PTPRR: variants seen among roughly 807,000 people sequenced by gnomAD.
PTPRR encodes protein tyrosine phosphatase receptor type R, also known as receptor-type tyrosine-protein phosphatase R.
A neutral mutation model predicts 77.2 loss-of-function variants in PTPRR; 38 were observed. The ratio of observed to expected loss-of-function variants is 0.49; its 90% CI spans 0.38 to 0.65. The LOEUF (loss-of-function observed/expected upper bound fraction) is 0.65, where lower values mean the gene tolerates loss of function less well. PTPRR is among the 30% of genes least tolerant of loss of function. The pLI, the probability that PTPRR is intolerant of heterozygous loss-of-function variation, is 0.00. For synonymous variants in PTPRR, 299 were observed against 283.1 expected, an observed-to-expected ratio of 1.06 and a Z score of -0.57; for missense variants, 744 against 799.2, an observed-to-expected ratio of 0.93 and a Z score of 0.83.
At chr12:70,789,992 C>T (rs1472267794) in intron 2 of PTPRR, among the ~76,000 whole-genome samples, 1 of 152,084 alleles carries the variant, frequency 6.6e-6, no homozygotes, top group African/African-American at 2.4e-5. Flanking sequence ...AAATGAACAT[C>T]AACAGTAAAA....
chr12:70,870,723 G>T lies in PTPRR; in HGVS notation c.357+21956C>A, dbSNP rs193231291. On this transcript the variant is annotated intron_variant, in intron 2 of 13. Coordinates refer to ENST00000283228, the MANE Select transcript of PTPRR (RefSeq NM_002849.4). ...CCAATATGTACACTGTGTTGCTGAT[G>T]CTTGTTAAAGAAGAGTTCAATTGTA... Among the ~76,000 whole-genome samples the T allele has an allele frequency of 2.9e-3, 444 of 152,334 alleles. 4 individuals are homozygous for T. Among genetic ancestry groups the T allele is most frequent in the Admixed American group, 8.1e-3 (124 of 15,308 alleles).
chr12:70,798,565 T>C (rs1184680774), intron 2 of PTPRR, among the ~76,000 whole-genome samples: 1 of 152,206 alleles, frequency 6.6e-6, no homozygotes, highest in Non-Finnish European at 1.5e-5. Flanking sequence ...TTGTCTTTCT[T>C]TCCAGTGCTC....
chr12:70,866,399 A>G (rs1205593127), intron 2 of PTPRR, among the ~76,000 whole-genome samples: 1 of 151,594 alleles, frequency 6.6e-6, no homozygotes, highest in Non-Finnish European at 1.5e-5. Flanking sequence ...GAATACTACA[A>G]ACACCTCTAT....
At chr12:70,785,138 A>T (rs1891295535) in intron 2 of PTPRR, among the ~76,000 whole-genome samples, 1 of 152,194 alleles carries the variant, frequency 6.6e-6, no homozygotes, top group African/African-American at 2.4e-5. Flanking sequence ...TTCTGTGAAC[A>T]TGCAACTCAA....
intron 2 of PTPRR, among the ~76,000 whole-genome samples, chr12:70,884,767 G>C (rs1893208638): frequency 6.6e-6 from 1 of 150,768 alleles, no homozygotes; most frequent in African/African-American, 2.4e-5. Flanking sequence ...AGCTACTCCG[G>C]AGGCTGAGGC....
intron 10 of PTPRR, chr12:70,672,987 G>A: frequency 7.2e-7 from 1 of 1,380,976 alleles, no homozygotes; most frequent in Non-Finnish European, 9.5e-7. Context: ...CTAGGTAGAA[G>A]GGAGAAGGAT....
chr12:70,850,850 C>T (rs990601449), intron 2 of PTPRR, among the ~76,000 whole-genome samples: 2 of 152,170 alleles, frequency 1.3e-5, no homozygotes, highest in Non-Finnish European at 2.9e-5. Flanking sequence ...CCCTACATTG[C>T]TTTGCACACA....
chr12:70,785,938 T>C (rs933711570), intron 2 of PTPRR, among the ~76,000 whole-genome samples: 7 of 152,206 alleles, frequency 4.6e-5, no homozygotes, highest in African/African-American at 1.7e-4. Context: ...TATCTTTTAT[T>C]GGGATGTTAT....
At chr12:70,650,368 A>T (rs1886349990) in intron 13 of PTPRR, among the ~76,000 whole-genome samples, 1 of 152,090 alleles carries the variant, frequency 6.6e-6, no homozygotes, top group Non-Finnish European at 1.5e-5. Flanking sequence ...TGGAGGTTGC[A>T]GTGGGCCCAG....
Position 70,674,444 on chromosome 12 carries a change from C to T in PTPRR, c.1497+9683G>A, listed in dbSNP as rs144312075. Among the ~76,000 whole-genome samples the T allele has an allele frequency of 6.3e-4, 96 of 152,284 alleles. No homozygotes were observed. In the East Asian group the frequency reaches 0.016, roughly 25 times the overall value. On this transcript the variant is annotated intron_variant, in intron 10 of 13. Transcript: ENST00000283228. ...CACAAGATTTGATGTGTAGTATTTG[C>T]ATCATCCCTGAATTGCAGGTAATTT...
chr12:70,662,232 A>C (rs772880511), intron 11 of PTPRR, among the ~76,000 whole-genome samples: 1 of 152,244 alleles, frequency 6.6e-6, no homozygotes. Flanking sequence ...TAAATCAGAG[A>C]TATTTTATTA....
intron 2 of PTPRR, among the ~76,000 whole-genome samples, chr12:70,831,057 G>T (rs1359747049): frequency 5.3e-5 from 8 of 152,162 alleles, no homozygotes; most frequent in Non-Finnish European, 1.5e-5. Context: ...AGAAGGAGCT[G>T]TTATTATTCC....
chr12:70,784,237 T>C (rs1891272339), intron 2 of PTPRR, among the ~76,000 whole-genome samples: 1 of 152,164 alleles, frequency 6.6e-6, no homozygotes, highest in Middle Eastern at 3.2e-3. Flanking sequence ...GTTGCAGTGG[T>C]GGCCTGGACA....
chr12:70,701,073 A>T, intron 7 of PTPRR, 64 bp downstream of exon 7: 1 of 1,544,606 alleles, frequency 6.5e-7, no homozygotes, highest in East Asian at 2.2e-5. Flanking sequence ...TCATTTCCAT[A>T]CGTCTCTAGT....
At chr12:70,879,449 C>T (rs754525055) in intron 2 of PTPRR, among the ~76,000 whole-genome samples, 6 of 151,434 alleles carry the variant, frequency 4.0e-5, no homozygotes, top group African/African-American at 9.7e-5. Flanking sequence ...ATTTTTCCCA[C>T]GATCTCAAAG....
At chr12:70,763,760 G>A (rs1297949086) in intron 3 of PTPRR, among the ~76,000 whole-genome samples, 1 of 152,120 alleles carries the variant, frequency 6.6e-6, no homozygotes, top group Non-Finnish European at 1.5e-5. Context: ...TTTAAAACCT[G>A]TACAGTGATC....
intron 3 of PTPRR, 127 bp from the exon 4 acceptor site, chr12:70,761,753 T>A: frequency 1.5e-6 from 1 of 662,288 alleles, no homozygotes; most frequent in Non-Finnish European, 2.3e-6. Flanking sequence ...TTTGTGGAGA[T>A]TATATTTATT....
intron 2 of PTPRR, among the ~76,000 whole-genome samples, chr12:70,785,093 C>G (rs1891294422): frequency 1.3e-5 from 2 of 152,198 alleles, no homozygotes; most frequent in Admixed American, 6.5e-5. Flanking sequence ...TCTCTGCTTC[C>G]ATTCACTCTC....
At chr12:70,875,778 T>C (rs1893041732) in intron 2 of PTPRR, among the ~76,000 whole-genome samples, 2 of 152,184 alleles carry the variant, frequency 1.3e-5, no homozygotes, top group African/African-American at 4.8e-5. Flanking sequence ...GTAACCCATA[T>C]GGCAGACAAA....
Sources: allele counts gnomAD v4.1 joint callset (sites outside exome capture counted in the v4.1 genomes callset), GRCh38; gene constraint gnomAD v4.1.1; transcripts MANE v1.5; gene names NCBI Gene and HGNC (gene_info 2026-07-23, HGNC 2026-07-21).